The following TRMT10B variants were observed in gnomAD, a reference collection of about 807,000 sequenced individuals.
TRMT10B encodes the protein tRNA methyltransferase 10B, also known as tRNA methyltransferase 10 homolog B.
A neutral mutation model predicts 43.8 loss-of-function variants in TRMT10B; 33 were observed. The ratio of observed to expected loss-of-function variants is 0.75; its 90% confidence interval spans 0.57 to 1.01. TRMT10B has a LOEUF of 1.01. Ranked by LOEUF, TRMT10B falls within the 50% of genes least tolerant of loss-of-function variation. The pLI is 0.00. For missense variants in TRMT10B, 362 were observed against 369.8 expected, an observed-to-expected ratio of 0.98 and a Z score of 0.17; for synonymous variants, 137 against 130.6, an observed-to-expected ratio of 1.05 and a Z score of -0.34.
Position 37,771,308 on chromosome 9 carries a change from T to G in TRMT10B, c.720+569T>G, listed in dbSNP as rs187795800. Among the ~76,000 whole-genome samples, 40 of 152,186 alleles carry G rather than the reference T, an allele frequency of 2.6e-4. 1 individual carries two copies. The highest frequency in any genetic ancestry group is 9.4e-4 in the African/African-American group (39 of 41,518). On this transcript the variant is annotated intron_variant, in intron 7 of 8. Transcript: ENST00000297994. ...AGACTAACATATAAATATAAAAGAG[T>G]AGAATGAAAGTCTTTCCTACCTTTG...
chr9:37,775,038 G>C (rs1388539377), intron 7 of TRMT10B, among the ~76,000 whole-genome samples: 1 of 152,222 alleles, frequency 6.6e-6, no homozygotes, highest in Admixed American at 6.5e-5. Flanking sequence ...TGCATGGTTT[G>C]GCCTTGGGGG....
chr9:37,763,943 T>C, intron 4 of TRMT10B, 190 bp downstream of exon 4: 2 of 1,091,926 alleles, frequency 1.8e-6, no homozygotes, highest in Non-Finnish European at 1.2e-6. Context: ...AGAATATATA[T>C]AGTTTGGTTT....
chr9:37,775,572 C>T (rs184037938), intron 7 of TRMT10B, among the ~76,000 whole-genome samples: 240 of 152,310 alleles, frequency 1.6e-3, no homozygotes, highest in African/African-American at 5.6e-3. Flanking sequence ...CTCTGTCACC[C>T]AGGCTGGAGT....
chr9:37,762,656 G>A lies in TRMT10B; in HGVS notation c.266G>A (p.Arg89Gln), dbSNP rs747899671. Reference protein sequence around the residue: ...KKSKRKQEKERRKANRAENPG... With the variant: ...KKSKRKQEKEQRKANRAENPG... ...AGCAAAAGAAAGCAAGAAAAAGAAC[G>A]AAGAAAAGCCAATCGTGCAGAAAAT... Residue 89 changes from arginine to glutamine, a missense_variant, in exon 3 of 9, where the codon CGA becomes CAA. Physicochemically the swap from Arg to Gln is conservative, Grantham distance 43 (BLOSUM62 1). Transcript: ENST00000297994. The A allele has an allele frequency of 1.1e-5, 17 of 1,592,126 alleles. No individual in the cohort carries two copies. Among genetic ancestry groups the A allele is most frequent in the Middle Eastern group, 1.7e-4 (1 of 5,934 alleles).
At chr9:37,774,762 A>G (rs1827962436) in intron 7 of TRMT10B, among the ~76,000 whole-genome samples, 1 of 152,240 alleles carries the variant, frequency 6.6e-6, no homozygotes, top group Admixed American at 6.5e-5. Flanking sequence ...GGCAGGTGTC[A>G]GCACCGAAAA....
At chr9:37,764,139 G>A (rs1458673919) in intron 4 of TRMT10B, among the ~76,000 whole-genome samples, 1 of 151,866 alleles carries the variant, frequency 6.6e-6, no homozygotes, top group Non-Finnish European at 1.5e-5. Context: ...TTTTTGCAAT[G>A]TGTGTGTTTT....
intron 7 of TRMT10B, among the ~76,000 whole-genome samples, chr9:37,774,029 G>A (rs1048055486): frequency 7.3e-5 from 11 of 151,176 alleles, no homozygotes; most frequent in Admixed American, 5.9e-4. Flanking sequence ...GGGTGACAGC[G>A]CCCCCACCCC....
chr9:37,769,308 TAA>T (rs57651814), intron 5 of TRMT10B, among the ~76,000 whole-genome samples: 6,728 of 59,920 alleles, frequency 0.11, 259 homozygotes, highest in East Asian at 0.24. Context: ...ACCCTGTCTT[TAA>T]AAAAAAAAAA....
At position 37,778,836 on chromosome 9, in the gene TRMT10B, CT is replaced by C. The variant is rs1232039350; in HGVS notation, c.*1131del. The C allele has an allele frequency of 1.3e-5, 2 of 152,216 alleles. No individual in the cohort carries two copies. The highest frequency in any genetic ancestry group is 1.9e-4 in the East Asian group (1 of 5,196). 9.4% of individuals were successfully genotyped at this position (152,216 alleles called of 1,614,324 possible). A position where few individuals can be genotyped will look rare whatever the true frequency, so the allele number is the denominator to read the frequency against. On this transcript the variant is annotated 3_prime_UTR_variant, in exon 9 of 9. Transcript: ENST00000297994. ...CCTTGCAGAGTATGGGCATGGAGGG[CT>C]TCTCTTCCTAATCCTTCCTAATGGT...
chr9:37,754,539 ATACT>A (rs778244176), intron 1 of TRMT10B, among the ~76,000 whole-genome samples: 7 of 152,156 alleles, frequency 4.6e-5, no homozygotes, highest in African/African-American at 1.2e-4. Flanking sequence ...TGATCATCAA[ATACT>A]TAGGATGCTC....
chr9:37,752,922 T>C (rs1288848401), upstream of TRMT10B, among the ~76,000 whole-genome samples: 2 of 152,114 alleles, frequency 1.3e-5, no homozygotes, highest in African/African-American at 2.4e-5. Context: ...GGGGTTGCCT[T>C]TCTGGACTGT....
At chr9:37,759,816 C>T (rs767853725) in intron 1 of TRMT10B, among the ~76,000 whole-genome samples, 40 of 152,224 alleles carry the variant, frequency 2.6e-4, no homozygotes, top group Non-Finnish European at 5.1e-4. Context: ...GACTTCATCT[C>T]AAAAACAAAA....
In TRMT10B at chr9:37,763,800, C is replaced by T. The variant is rs936198580; in HGVS notation, c.420+47C>T. The T allele has an allele frequency of 8.7e-6, 14 of 1,612,166 alleles. 1 individual carries two copies. Among genetic ancestry groups the T allele is most frequent in the Middle Eastern group, 1.6e-4 (1 of 6,076 alleles). On this transcript the variant is annotated intron_variant, in intron 4 of 8. Transcript: ENST00000297994. ...GAATTCCTGCTCGCCATGAGGGAGG[C>T]CCAGAAGGGTACAGCTTTCCGAAGA...
Position 37,753,822 on chromosome 9 carries a change from C to T in TRMT10B, c.-60C>T, listed in dbSNP as rs1233184606. ...GGGGCGGGGGGGATCCGATGCGCGC[C>T]GCTGCCGCTGCGTGGGGGTGAGGGG... On this transcript the variant is annotated 5_prime_UTR_variant, in exon 1 of 9. Transcript: ENST00000297994. The T allele has an allele frequency of 1.3e-5, 2 of 152,184 alleles. No individual in the cohort carries two copies. Among genetic ancestry groups the T allele is most frequent in the African/African-American group, 4.8e-5 (2 of 41,432 alleles). 9.4% of individuals were successfully genotyped at this position (152,184 alleles called of 1,614,324 possible).
chr9:37,757,217 G>T (rs1226882131), intron 1 of TRMT10B, among the ~76,000 whole-genome samples: 1 of 152,236 alleles, frequency 6.6e-6, no homozygotes, highest in East Asian at 1.9e-4. Flanking sequence ...CCAAGTAGCT[G>T]GGACTACAGG....
upstream of TRMT10B, among the ~76,000 whole-genome samples, chr9:37,753,274 C>T (rs1053155057): frequency 5.3e-5 from 8 of 152,222 alleles, no homozygotes; most frequent in South Asian, 1.0e-3. Flanking sequence ...CCACCATTTC[C>T]GGACACAATA....
intron 1 of TRMT10B, among the ~76,000 whole-genome samples, chr9:37,755,350 C>T (rs556232825): frequency 1.4e-4 from 21 of 148,900 alleles, no homozygotes; most frequent in African/African-American, 4.5e-4. Flanking sequence ...GTGATGGTGG[C>T]ACACAATGTG....
intron 4 of TRMT10B, among the ~76,000 whole-genome samples, chr9:37,766,594 A>G (rs1224813793): frequency 1.3e-5 from 2 of 152,194 alleles, no homozygotes; most frequent in South Asian, 4.1e-4. Flanking sequence ...ACTTTAAAGT[A>G]GTTTTTTCCA....
intron 7 of TRMT10B, among the ~76,000 whole-genome samples, chr9:37,771,996 A>G (rs1191564173): frequency 6.6e-6 from 1 of 151,378 alleles, no homozygotes; most frequent in Non-Finnish European, 1.5e-5. Flanking sequence ...GGCCCATGCC[A>G]CCACACCTAG....
Sources: gnomAD v4.1 joint callset for allele counts (sites outside exome capture counted in the v4.1 genomes callset) on GRCh38, gnomAD v4.1.1 for gene constraint, MANE v1.5 for transcripts, NCBI Gene and HGNC (gene_info 2026-07-23, HGNC 2026-07-21) for gene names.